TMCC1: variants seen among roughly 807,000 people sequenced by gnomAD.
TMCC1 encodes transmembrane and coiled-coil domains protein 1.
A neutral mutation model predicts 52.4 loss-of-function variants in TMCC1; 15 were observed. The ratio of observed to expected loss-of-function variants is 0.29; its 90% confidence interval spans 0.19 to 0.44. The LOEUF is 0.44. Ranked by LOEUF, TMCC1 falls within the 20% of genes least tolerant of loss-of-function variation. The probability of loss-of-function intolerance (pLI) is 1.00; values close to 1 mark genes in which losing one functional copy is unlikely to be tolerated. For missense variants in TMCC1, 503 were observed against 806.0 expected (o/e 0.62, Z 4.55); for synonymous variants, 279 against 301.9 (o/e 0.92, Z 0.79).
intron 4 of TMCC1, among the ~76,000 whole-genome samples, chr3:129,705,543 A>G (rs1035362014): frequency 1.3e-5 from 2 of 152,020 alleles, no homozygotes; most frequent in African/African-American, 4.8e-5. Context: ...TATTTATCAG[A>G]ATTTGACAAC....
At chr3:129,859,317 T>A (rs1030403720) in intron 2 of TMCC1, among the ~76,000 whole-genome samples, 1 of 152,154 alleles carries the variant, frequency 6.6e-6, no homozygotes, top group Non-Finnish European at 1.5e-5. Context: ...AAACAAATGA[T>A]TTAAGTATGA....
chr3:129,718,888 T>C (rs535060082), intron 4 of TMCC1, among the ~76,000 whole-genome samples: 1 of 152,204 alleles, frequency 6.6e-6, no homozygotes, highest in Non-Finnish European at 1.5e-5. Flanking sequence ...AATAGACTGT[T>C]AGTTAAGCTT....
intron 4 of TMCC1, among the ~76,000 whole-genome samples, chr3:129,786,874 C>T (rs1000367354): frequency 1.2e-4 from 19 of 152,202 alleles, no homozygotes; most frequent in African/African-American, 4.6e-4. Flanking sequence ...AAATCTACAT[C>T]TTCTCAAGTG....
At chr3:129,726,868 C>CCAAAAAAAA (rs2050134367) in intron 4 of TMCC1, among the ~76,000 whole-genome samples, 1 of 12,814 alleles carries the variant, frequency 7.8e-5, no homozygotes, top group Non-Finnish European at 1.5e-4. Flanking sequence ...GACTCTGTCT[C>CCAAAAAAAA]AAAAAAAAAA....
chr3:129,697,681 T>C (rs2047512909), intron 4 of TMCC1, among the ~76,000 whole-genome samples: 1 of 152,184 alleles, frequency 6.6e-6, no homozygotes, highest in African/African-American at 2.4e-5. Context: ...CTTTGCCACT[T>C]AGAAATTTCT....
chr3:129,804,444 T>A (rs993951660), intron 4 of TMCC1, among the ~76,000 whole-genome samples: 4 of 152,188 alleles, frequency 2.6e-5, no homozygotes, highest in African/African-American at 9.6e-5. Flanking sequence ...CCATTAGGCC[T>A]CCCCTGACCC....
chr3:129,700,520 A>C (rs1044474251), intron 4 of TMCC1, among the ~76,000 whole-genome samples: 3 of 152,064 alleles, frequency 2.0e-5, no homozygotes, highest in Non-Finnish European at 4.4e-5. Context: ...CTCTGTTGCC[A>C]GGCTGGAGTG....
chr3:129,870,759 CAAAAAAAAA>C (rs61673201), intron 2 of TMCC1, among the ~76,000 whole-genome samples: 130 of 10,676 alleles, frequency 0.012, 1 homozygote, highest in African/African-American at 0.021. Context: ...GACTCCATCT[CAAAAAAAAA>C]AAAAAAAAAA....
chr3:129,707,910 G>A (rs1007526007), intron 4 of TMCC1, among the ~76,000 whole-genome samples: 3 of 151,244 alleles, frequency 2.0e-5, no homozygotes, highest in Admixed American at 6.6e-5. Flanking sequence ...CCAGCCTGGC[G>A]ACAGAGCAAG....
At chr3:129,711,989 G>A (rs1258340401) in intron 4 of TMCC1, among the ~76,000 whole-genome samples, 1 of 104,248 alleles carries the variant, frequency 9.6e-6, no homozygotes, top group African/African-American at 3.8e-5. Flanking sequence ...GCGACAGAGT[G>A]AGACTCTGTC....
At chr3:129,652,521 T>C (rs2086401134) in intron 6 of TMCC1, among the ~76,000 whole-genome samples, 1 of 152,188 alleles carries the variant, frequency 6.6e-6, no homozygotes, top group African/African-American at 2.4e-5. Flanking sequence ...TTTGTGGCAG[T>C]AAGACATCAA....
At chr3:129,789,094 T>A (rs952577756) in intron 4 of TMCC1, among the ~76,000 whole-genome samples, 3 of 152,200 alleles carry the variant, frequency 2.0e-5, no homozygotes, top group Non-Finnish European at 4.4e-5. Flanking sequence ...AGGAAAGGTA[T>A]GTCCTTCCAT....
At position 129,770,626 on chromosome 3, in the gene TMCC1, TG is replaced by T. The variant is rs1456044168; in HGVS notation, c.576+57176del. On this transcript the variant is annotated intron_variant, in intron 4 of 6. Transcript: ENST00000393238. ...ATAAATGAAATGAAATGAAATGAAA[TG>T]AAATGAAATAAAATAAAATAAAATA... Among the ~76,000 whole-genome samples, 935 of 151,652 alleles carry T rather than the reference TG, an allele frequency of 6.2e-3. 7 individuals are homozygous for T. Among genetic ancestry groups the T allele is most frequent in the African/African-American group, 8.6e-3 (357 of 41,362 alleles).
intron 4 of TMCC1, among the ~76,000 whole-genome samples, chr3:129,683,945 T>TA (rs2089210785): frequency 2.0e-5 from 3 of 152,192 alleles, no homozygotes. Context: ...AATCTGTACT[T>TA]AATTTTGAGA....
intron 4 of TMCC1, among the ~76,000 whole-genome samples, chr3:129,744,960 A>G (rs1343013176): frequency 6.6e-6 from 1 of 152,234 alleles, no homozygotes; most frequent in African/African-American, 2.4e-5. Flanking sequence ...TGCTCCACAG[A>G]AGGAAAAATT....
At chr3:129,779,415 T>C (rs1179334458) in intron 4 of TMCC1, among the ~76,000 whole-genome samples, 3 of 152,196 alleles carry the variant, frequency 2.0e-5, no homozygotes, top group Admixed American at 2.0e-4. Flanking sequence ...GGTGGCATTC[T>C]CATCATCTGT....
intron 5 of TMCC1, among the ~76,000 whole-genome samples, chr3:129,669,437 T>A (rs774023418): frequency 0.031 from 4,532 of 144,230 alleles, 106 homozygotes; most frequent in African/African-American, 0.043. Flanking sequence ...TAGAAAAAAA[T>A]TTTTTTTTTT....
rs985399490 is a variant in TMCC1, at chr3:129,762,624, C to CA, written c.576+65178dup. On this transcript the variant is annotated intron_variant, in intron 4 of 6. Coordinates refer to ENST00000393238, the MANE Select transcript of TMCC1 (RefSeq NM_001017395.5). ...GCAACATATTGAAACGTCATCTCTC[C>CA]AAAAAAAATTAGCTGGGCTTGGTGG... Among the ~76,000 whole-genome samples the CA allele has an allele frequency of 8.6e-5, 13 of 151,580 alleles. No individual in the cohort carries two copies. In the East Asian group the frequency reaches 1.8e-3, roughly 21 times the overall value.
At chr3:129,820,987 T>C (rs1214054056) in intron 4 of TMCC1, among the ~76,000 whole-genome samples, 4 of 152,354 alleles carry the variant, frequency 2.6e-5, no homozygotes, top group African/African-American at 7.2e-5. Flanking sequence ...TTCTTTCATC[T>C]AAGTTTCTAC....
Sources: allele counts gnomAD v4.1 joint callset (sites outside exome capture counted in the v4.1 genomes callset), GRCh38; gene constraint gnomAD v4.1.1; transcripts MANE v1.5; gene names NCBI Gene and HGNC (gene_info 2026-07-23, HGNC 2026-07-21).